Variants in DNMT1 observed in about 807,000 individuals in gnomAD.
The protein encoded by DNMT1 is DNA (cytosine-5)-methyltransferase 1.
DNMT1 carries 24 observed loss-of-function variants against 205.3 expected under a neutral mutation model. The ratio of observed to expected loss-of-function variants is 0.12; its 90% CI spans 0.08 to 0.16. The LOEUF (loss-of-function observed/expected upper bound fraction) is 0.16. DNMT1 is among the 10% of genes least tolerant of loss of function. DNMT1 has a pLI of 1.00. For synonymous variants in DNMT1, 817 were observed against 839.8 expected, an observed-to-expected ratio of 0.97 and a Z score of 0.47; for missense variants, 1,293 against 2,177.7, an observed-to-expected ratio of 0.59 and a Z score of 8.09.
chr19:10,169,541 G>A (rs994047787), intron 9 of DNMT1, among the ~76,000 whole-genome samples: 3 of 145,906 alleles, frequency 2.1e-5, no homozygotes, highest in Non-Finnish European at 3.0e-5. Context: ...TGGGCGACAA[G>A]AGCGAGATTC....
intron 28 of DNMT1, among the ~76,000 whole-genome samples, chr19:10,145,699 G>A (rs188918798): frequency 1.4e-4 from 22 of 152,216 alleles, no homozygotes; most frequent in Admixed American, 1.2e-3. Context: ...TCAACCCTTC[G>A]AGCCCCAGCA....
intron 9 of DNMT1, among the ~76,000 whole-genome samples, chr19:10,171,285 C>T (rs368851533): frequency 9.9e-5 from 15 of 152,236 alleles, no homozygotes; most frequent in Middle Eastern, 3.4e-3. Context: ...AGAATTTTAG[C>T]ACCTCCTACA....
chr19:10,145,790 C>T (rs1435375356), intron 28 of DNMT1, among the ~76,000 whole-genome samples: 3 of 152,100 alleles, frequency 2.0e-5, no homozygotes, highest in Non-Finnish European at 4.4e-5. Flanking sequence ...GGGGGTGGGC[C>T]CCCAGCTGTC....
Position 10,159,064 on chromosome 19 carries a change from C to G in DNMT1, c.1280+594G>C, listed in dbSNP as rs781257969. 6.6e-6 allele frequency among the ~76,000 whole-genome samples: 1 copy of G among 152,156 alleles called. No individual in the cohort carries two copies. The highest frequency in any genetic ancestry group is 2.4e-5 in the African/African-American group (1 of 41,448). On this transcript the variant is annotated intron_variant, in intron 17 of 40. Coordinates refer to ENST00000359526, the MANE Select transcript of DNMT1 (RefSeq NM_001130823.3). This position sits in a 1 kb window ranked among gnomAD's most constrained non-coding sequence, Gnocchi z 5.0. ...GGCAGGACCTGAGCAGCTACATCCACGACACCTAGATCACTGGTACCTAGC... is the reference window on the plus strand; with the variant it reads ...GGCAGGACCTGAGCAGCTACATCCAGGACACCTAGATCACTGGTACCTAGC...
intron 1 of DNMT1, among the ~76,000 whole-genome samples, chr19:10,192,675 C>T (rs2145412720): frequency 6.6e-6 from 1 of 152,282 alleles, no homozygotes; most frequent in African/African-American, 2.4e-5. Flanking sequence ...TGAAGCCAGG[C>T]ACTTTCATAA....
At chr19:10,160,220 G>A (rs879939543) in intron 14 of DNMT1, 157 bp from the exon 15 acceptor site, 95 of 1,503,774 alleles carry the variant, frequency 6.3e-5, no homozygotes, top group Middle Eastern at 1.7e-4. Context: ...GCTCTTCACC[G>A]CAGGGGCATC....
At chr19:10,192,668 A>C (rs1192614170) in intron 1 of DNMT1, among the ~76,000 whole-genome samples, 1 of 152,222 alleles carries the variant, frequency 6.6e-6, no homozygotes, top group Non-Finnish European at 1.5e-5. Flanking sequence ...AACATCATGA[A>C]GCCAGGCACT....
At chr19:10,160,304 G>A (rs2145322435) in intron 14 of DNMT1, 80 bp downstream of exon 14, 1 of 1,601,018 alleles carries the variant, frequency 6.2e-7, no homozygotes, top group Non-Finnish European at 8.5e-7. Context: ...GGCAATTACT[G>A]AAACCCCTTC....
rs2038562252 is a variant in DNMT1 at position 10,161,210 on chromosome 19, CAGGAGAATAGCTTG to C, written c.1009-806_1009-793del. On this transcript the variant is annotated intron_variant, in intron 13 of 40. Transcript: ENST00000359526. ...GTCCCAGCTACTCAGGAGGCTGAGG[CAGGAGAATAGCTTG>C]AACCAGGGAGACAGAGGTTGCAGTG... Among the ~76,000 whole-genome samples the C allele has an allele frequency of 3.3e-5, 5 of 152,292 alleles. No homozygotes were observed. In the South Asian group the frequency reaches 1.0e-3, roughly 32 times the overall value.
intron 10 of DNMT1, among the ~76,000 whole-genome samples, chr19:10,167,038 G>T (rs550292653): frequency 6.6e-6 from 1 of 152,260 alleles, no homozygotes; most frequent in South Asian, 2.1e-4. Context: ...TGCGATCAGC[G>T]TCAGTCAGTG....
intron 25 of DNMT1, 39 bp downstream of exon 25, chr19:10,149,814 A>C (rs767705803): frequency 6.2e-6 from 10 of 1,610,678 alleles, no homozygotes; most frequent in Non-Finnish European, 8.5e-6. Context: ...CTTGATGAGA[A>C]AGTGCATGCA....
intron 1 of DNMT1, among the ~76,000 whole-genome samples, chr19:10,183,542 A>G (rs1349203932): frequency 6.6e-6 from 1 of 152,160 alleles, no homozygotes; most frequent in African/African-American, 2.4e-5. Flanking sequence ...AACATGGCGA[A>G]ACTCCATCTC....
chr19:10,173,979 G>A, intron 7 of DNMT1, 74 bp from the exon 8 acceptor site: 1 of 1,417,472 alleles, frequency 7.1e-7, no homozygotes, highest in South Asian at 1.1e-5. Flanking sequence ...AAAAGTGTGA[G>A]TTGAAATATT....
At chr19:10,182,467 GTA>G (rs1300399376) in intron 1 of DNMT1, among the ~76,000 whole-genome samples, 13 of 121,230 alleles carry the variant, frequency 1.1e-4, no homozygotes, top group Admixed American at 5.2e-4. Flanking sequence ...ATATATGTGT[GTA>G]TATATATACA....
intron 28 of DNMT1, 170 bp from the exon 29 acceptor site, chr19:10,144,157 C>G: frequency 1.4e-6 from 1 of 738,314 alleles, no homozygotes; most frequent in Non-Finnish European, 2.3e-6. Flanking sequence ...CGCCTGTAAT[C>G]CCAGCACTTT....
chr19:10,163,377 G>T lies in DNMT1; in HGVS notation c.892-17C>A. Reference sequence around the variant, plus strand: ...CTTCTCATCCTGACAGAAAAATAAGGGGGAGGTAGAGAGATAAAGAAGGGA... The same window carrying T: ...CTTCTCATCCTGACAGAAAAATAAGTGGGAGGTAGAGAGATAAAGAAGGGA... On this transcript the variant is annotated splice_polypyrimidine_tract_variant and intron_variant, in intron 11 of 40. Transcript: ENST00000359526. 6.2e-7 allele frequency: 1 copy of T among 1,613,552 alleles called. No homozygotes were observed. Among genetic ancestry groups the T allele is most frequent in the Non-Finnish European group, 8.5e-7 (1 of 1,179,642 alleles).
intron 1 of DNMT1, among the ~76,000 whole-genome samples, chr19:10,185,738 G>A (rs942266315): frequency 6.6e-6 from 1 of 151,604 alleles, no homozygotes; most frequent in Non-Finnish European, 1.5e-5. Flanking sequence ...GCTGAGGTGG[G>A]AGGATCGCTT....
At chr19:10,142,390 C>T (rs1291754066) in intron 29 of DNMT1, among the ~76,000 whole-genome samples, 170 bp from the exon 30 acceptor site, 1 of 151,166 alleles carries the variant, frequency 6.6e-6, no homozygotes, top group Non-Finnish European at 1.5e-5. Context: ...GTAAAGATAT[C>T]TCCTCCCCAC....
intron 11 of DNMT1, among the ~76,000 whole-genome samples, chr19:10,164,913 T>TA (rs535161745): frequency 2.9e-5 from 1 of 34,042 alleles, no homozygotes; most frequent in Non-Finnish European, 4.8e-5. Flanking sequence ...GAGACTATCT[T>TA]AAAAAAAAAA....
Sources: gnomAD v4.1 joint callset for allele counts (sites outside exome capture counted in the v4.1 genomes callset) on GRCh38, gnomAD v4.1.1 for gene constraint, Gnocchi (gnomAD v3.1) non-coding constraint, MANE v1.5 for transcripts, NCBI Gene and HGNC (gene_info 2026-07-23, HGNC 2026-07-21) for gene names.